CAMK1D: variants seen among roughly 807,000 people sequenced by gnomAD.
The protein encoded by CAMK1D is calcium/calmodulin dependent protein kinase ID.
In CAMK1D, 9 loss-of-function variants were observed where a neutral mutation model predicts 47.7. That is an observed-to-expected ratio of 0.19 (90% confidence interval 0.11 to 0.33). The LOEUF is 0.33. Among genes scored for constraint, CAMK1D ranks in the 10% least tolerant of loss-of-function variants. The pLI is 1.00. For missense variants in CAMK1D, 291 were observed against 488.7 expected (o/e 0.60, Z 3.81); for synonymous variants, 184 against 184.9 (o/e 0.99, Z 0.04).
chr10:12,765,796 G>A (rs1836727400), intron 4 of CAMK1D, among the ~76,000 whole-genome samples: 1 of 152,036 alleles, frequency 6.6e-6, no homozygotes, highest in Admixed American at 6.6e-5. Flanking sequence ...GTGAAATGCA[G>A]GGGGGTTTTA....
chr10:12,427,407 G>A (rs966934818), intron 1 of CAMK1D, among the ~76,000 whole-genome samples: 2 of 152,058 alleles, frequency 1.3e-5, no homozygotes, highest in Admixed American at 6.5e-5. Context: ...GGAAGAATCC[G>A]CCGATCTCTC....
intron 1 of CAMK1D, among the ~76,000 whole-genome samples, chr10:12,439,136 C>G (rs530906420): frequency 1.3e-5 from 2 of 152,312 alleles, no homozygotes; most frequent in African/African-American, 4.8e-5. Context: ...ATCCCAAGTT[C>G]CATTGCGCAG....
intron 1 of CAMK1D, among the ~76,000 whole-genome samples, chr10:12,380,792 A>G (rs1355105388): frequency 6.6e-6 from 1 of 152,076 alleles, no homozygotes; most frequent in Non-Finnish European, 1.5e-5. Context: ...TGAGGCGGAG[A>G]TTGCAGTGAG....
intron 5 of CAMK1D, among the ~76,000 whole-genome samples, chr10:12,785,770 A>C (rs911967438): frequency 2.0e-5 from 3 of 152,212 alleles, no homozygotes; most frequent in Non-Finnish European, 4.4e-5. Context: ...GGCGTCTGAC[A>C]AGATCAGAGT....
rs530017964 is a variant in CAMK1D at position 12,508,771 on chromosome 10, C to T, written c.93-44454C>T. 7.2e-5 allele frequency among the ~76,000 whole-genome samples: 11 copies of T among 152,264 alleles called. No individual in the cohort carries two copies. In the East Asian group the frequency reaches 1.7e-3, roughly 24 times the overall value. On this transcript the variant is annotated intron_variant, in intron 1 of 10. Transcript: ENST00000619168. ...GCAGTTCACATAACCCTGATAAAGC[C>T]GAGGGAGAGGGCTTGGGGGACCCAC...
intron 6 of CAMK1D, among the ~76,000 whole-genome samples, chr10:12,802,088 A>T (rs1260040881): frequency 3.3e-5 from 5 of 152,228 alleles, no homozygotes; most frequent in Admixed American, 6.5e-5. Context: ...ACTAATGATT[A>T]TTCAGTTATC....
chr10:12,827,303 C>CTTT (rs879613428), intron 10 of CAMK1D, among the ~76,000 whole-genome samples: 33,961 of 81,066 alleles, frequency 0.42, 4,699 homozygotes, highest in South Asian at 0.54. Context: ...TTCTTTCTCT[C>CTTT]TCTTTTTCTT....
At chr10:12,605,704 C>T (rs1838438446) in intron 2 of CAMK1D, among the ~76,000 whole-genome samples, 1 of 152,218 alleles carries the variant, frequency 6.6e-6, no homozygotes, top group African/African-American at 2.4e-5. Flanking sequence ...GTGCCACTGG[C>T]AGCCCCAGAA....
chr10:12,396,312 A>G (rs1838953492), intron 1 of CAMK1D, among the ~76,000 whole-genome samples: 2 of 152,152 alleles, frequency 1.3e-5, no homozygotes, highest in African/African-American at 2.4e-5. Context: ...TGTCCGCATC[A>G]TTGTCCACTG....
chr10:12,602,912 T>TATTATTATTATTATG (rs2132392577), intron 2 of CAMK1D, among the ~76,000 whole-genome samples: 2 of 147,488 alleles, frequency 1.4e-5, no homozygotes, highest in South Asian at 4.3e-4. Flanking sequence ...TTATTATTAT[T>TATTATTATTATTATG]ATTATTATTA....
At chr10:12,566,062 A>G (rs1483914501) in intron 2 of CAMK1D, among the ~76,000 whole-genome samples, 1 of 152,124 alleles carries the variant, frequency 6.6e-6, no homozygotes, top group African/African-American at 2.4e-5. Flanking sequence ...TGGGCAAGTC[A>G]TTTCAACTCT....
intron 1 of CAMK1D, among the ~76,000 whole-genome samples, chr10:12,509,447 T>C (rs1438073849): frequency 6.6e-6 from 1 of 152,234 alleles, no homozygotes; most frequent in African/African-American, 2.4e-5. Context: ...TTTTAGAATG[T>C]GACTTCTAGG....
rs552293726 is a variant in CAMK1D, at chr10:12,761,430, A to G, written c.438+344A>G. On this transcript the variant is annotated intron_variant, in intron 4 of 10. Transcript: ENST00000619168. ...GCTACAGAAACCCTCCTCCCGGTGC[A>G]GTTCCGCAGCACCTTTGCCAATTCC... Among the ~76,000 whole-genome samples, 6 of 152,296 alleles carry G rather than the reference A, an allele frequency of 3.9e-5. No homozygotes were observed. In the South Asian group the frequency reaches 1.0e-3, roughly 26 times the overall value.
chr10:12,727,399 C>T (rs1051041761), intron 3 of CAMK1D, among the ~76,000 whole-genome samples: 1 of 152,222 alleles, frequency 6.6e-6, no homozygotes, highest in African/African-American at 2.4e-5. Flanking sequence ...CTTCAAGAAG[C>T]ATTTTTACTG....
intron 2 of CAMK1D, among the ~76,000 whole-genome samples, chr10:12,632,808 C>T (rs1451824907): frequency 2.0e-5 from 3 of 152,140 alleles, no homozygotes; most frequent in Non-Finnish European, 2.9e-5. Context: ...GATTCTCTTG[C>T]GTCAGCCTCC....
chr10:12,613,315 C>A (rs73572269), intron 2 of CAMK1D, among the ~76,000 whole-genome samples: 3 of 152,150 alleles, frequency 2.0e-5, no homozygotes, highest in African/African-American at 4.8e-5. Flanking sequence ...TGCAGCAGCA[C>A]GCTAGTGGTA....
intron 3 of CAMK1D, among the ~76,000 whole-genome samples, chr10:12,749,884 G>A (rs1835869906): frequency 6.6e-6 from 1 of 152,174 alleles, no homozygotes; most frequent in South Asian, 2.1e-4. Flanking sequence ...GTGAGCCACT[G>A]TGTCCGGCCA....
At chr10:12,447,400 T>A (rs2724819) in intron 1 of CAMK1D, among the ~76,000 whole-genome samples, 150,334 of 152,326 alleles carry the variant, frequency 0.99, 74,221 homozygotes, top group Middle Eastern at 1. Context: ...TTTCCTTTTT[T>A]AAAATGTTTA....
intron 8 of CAMK1D, among the ~76,000 whole-genome samples, chr10:12,822,185 G>A (rs149023064): frequency 2.6e-5 from 4 of 152,280 alleles, no homozygotes; most frequent in Admixed American, 6.5e-5. Flanking sequence ...AGCGCTGTCC[G>A]GATGTTACTA....
Sources: gnomAD v4.1 joint callset for allele counts (sites outside exome capture counted in the v4.1 genomes callset) on GRCh38, gnomAD v4.1.1 for gene constraint, MANE v1.5 for transcripts, NCBI Gene and HGNC (gene_info 2026-07-23, HGNC 2026-07-21) for gene names.